GABRG3: variants seen among roughly 807,000 people sequenced by gnomAD.
The protein encoded by GABRG3 is gamma-aminobutyric acid receptor subunit gamma-3.
GABRG3 carries 25 observed loss-of-function variants against 48.8 expected under a neutral mutation model. That is an observed-to-expected ratio of 0.51 (90% CI 0.37 to 0.72). GABRG3 has a LOEUF of 0.72. GABRG3 is among the 30% of genes least tolerant of loss of function. GABRG3 has a pLI of 0.00. For synonymous variants in GABRG3, 227 were observed against 217.6 expected (o/e 1.04, Z -0.38); for missense variants, 394 against 577.9 (o/e 0.68, Z 3.26).
At chr15:27,004,377 TC>T (rs1454101947) in intron 2 of GABRG3, among the ~76,000 whole-genome samples, 1 of 149,942 alleles carries the variant, frequency 6.7e-6, no homozygotes, top group Non-Finnish European at 1.5e-5. Context: ...GCTCCTCACT[TC>T]CTGGATGTGA....
At chr15:27,285,898 C>T (rs945368006) in intron 3 of GABRG3, among the ~76,000 whole-genome samples, 12 of 152,144 alleles carry the variant, frequency 7.9e-5, no homozygotes, top group African/African-American at 2.2e-4. Flanking sequence ...TTGCTGCTCT[C>T]GACATATGAT....
chr15:27,500,754 A>C (rs1006890771), intron 6 of GABRG3, among the ~76,000 whole-genome samples: 3 of 152,090 alleles, frequency 2.0e-5, no homozygotes, highest in African/African-American at 7.2e-5. Flanking sequence ...TGCAGTGTTC[A>C]GTACCACAGT....
At chr15:27,109,163 A>C (rs1897501433) in intron 3 of GABRG3, among the ~76,000 whole-genome samples, 1 of 152,188 alleles carries the variant, frequency 6.6e-6, no homozygotes. Flanking sequence ...CTTTGGATAT[A>C]TAATCTTTTT....
chr15:27,296,975 A>T lies in GABRG3; in HGVS notation c.271-29834A>T, dbSNP rs531811293. On this transcript the variant is annotated intron_variant, in intron 3 of 9. Transcript: ENST00000615808. ...TTGCCCCTGAAAACCTTCCAGTGGGACAAGGTGTGGAGTTGGAAGACAGTG... is the reference window on the plus strand; with the variant it reads ...TTGCCCCTGAAAACCTTCCAGTGGGTCAAGGTGTGGAGTTGGAAGACAGTG... Among the ~76,000 whole-genome samples the T allele has an allele frequency of 1.6e-3, 239 of 152,092 alleles. 1 individual carries two copies. Among genetic ancestry groups the T allele is most frequent in the African/African-American group, 5.5e-3 (228 of 41,506 alleles).
At chr15:27,050,723 A>C (rs1896442174) in intron 3 of GABRG3, among the ~76,000 whole-genome samples, 1 of 152,024 alleles carries the variant, frequency 6.6e-6, no homozygotes, top group Non-Finnish European at 1.5e-5. Flanking sequence ...AAACTTTTTA[A>C]ATTTAATTAT....
intron 3 of GABRG3, among the ~76,000 whole-genome samples, chr15:27,094,622 T>G (rs1224363310): frequency 6.6e-6 from 1 of 152,134 alleles, no homozygotes; most frequent in African/African-American, 2.4e-5. Flanking sequence ...GAGCCTTCCC[T>G]TGTTGGAATT....
chr15:27,146,862 C>T (rs1041200979), intron 3 of GABRG3, among the ~76,000 whole-genome samples: 1 of 151,320 alleles, frequency 6.6e-6, no homozygotes, highest in Non-Finnish European at 1.5e-5. Context: ...CAAAAGAAGG[C>T]AAAAGTAAAG....
At chr15:27,034,459 C>A (rs931725321) in intron 3 of GABRG3, among the ~76,000 whole-genome samples, 2 of 152,140 alleles carry the variant, frequency 1.3e-5, no homozygotes, top group Non-Finnish European at 2.9e-5. Flanking sequence ...TGTTTCATCA[C>A]TGGAAGAATA....
At position 27,537,178 on chromosome 15, in the gene GABRG3, A is replaced by G. The variant is rs1286174552; in HGVS notation, c.*4297A>G. ...TTAAGCTCCACATAATCTGATGTAA[A>G]TATACATTGAAACGTTAAGTTCTAT... is the stretch of plus-strand genomic sequence containing the variant. On this transcript the variant is annotated 3_prime_UTR_variant, in exon 10 of 10. Transcript: ENST00000615808. 1 of 152,118 alleles carries G rather than the reference A, an allele frequency of 6.6e-6. No individual in the cohort carries two copies. Among genetic ancestry groups the G allele is most frequent in the Non-Finnish European group, 1.5e-5 (1 of 68,022 alleles). The allele number at this position is 152,118 out of a possible 1,614,324, so 9.4% of individuals were successfully genotyped here.
chr15:27,320,370 C>T (rs1340744705), intron 3 of GABRG3, among the ~76,000 whole-genome samples: 1 of 151,942 alleles, frequency 6.6e-6, no homozygotes, highest in African/African-American at 2.4e-5. Context: ...AAGTGCACCC[C>T]GATGTTATTG....
intron 3 of GABRG3, among the ~76,000 whole-genome samples, chr15:27,115,314 G>A (rs1402705517): frequency 6.6e-6 from 1 of 152,102 alleles, no homozygotes; most frequent in Non-Finnish European, 1.5e-5. Context: ...CCAGCTGCGA[G>A]CTCCATTTGG....
At position 27,517,008 on chromosome 15, in the gene GABRG3, G is replaced by A. The variant is rs963602250; in HGVS notation, c.713-2964G>A. On this transcript the variant is annotated intron_variant, in intron 6 of 9. Transcript: ENST00000615808. ...CCTCCTCCATCACTGACAGCATCGTGCACACCTCCAGTCATGCGCCTAGCA... is the reference window on the plus strand; with the variant it reads ...CCTCCTCCATCACTGACAGCATCGTACACACCTCCAGTCATGCGCCTAGCA... Among the ~76,000 whole-genome samples the A allele has an allele frequency of 3.0e-4, 46 of 152,282 alleles. 1 individual carries two copies. The highest frequency in any genetic ancestry group is 1.1e-3 in the African/African-American group (46 of 41,566).
rs368123059 is a variant in GABRG3, at chr15:27,367,439, A to G, written c.574+38551A>G. On this transcript the variant is annotated intron_variant, in intron 5 of 9. Coordinates refer to ENST00000615808, the MANE Select transcript of GABRG3 (RefSeq NM_033223.5). ...GCTGCATTATTCAAAACAATTGACT[A>G]ATTCTTGATGAGGTTAGGGAGGGAG... 2.6e-5 allele frequency among the ~76,000 whole-genome samples: 4 copies of G among 152,312 alleles called. 1 individual carries two copies. The highest frequency in any genetic ancestry group is 9.6e-5 in the African/African-American group (4 of 41,574).
Position 27,444,813 on chromosome 15 carries a change from C to A in GABRG3, c.575-35837C>A, listed in dbSNP as rs144329600. Among the ~76,000 whole-genome samples, 389 of 152,222 alleles carry A rather than the reference C, an allele frequency of 2.6e-3. 5 individuals carry two copies. The highest frequency in any genetic ancestry group is 0.018 in the East Asian group (91 of 5,184). ...TTTATACTTTAGAAGTTTGCTCATT[C>A]ATCAATTGATGCACATTTCCAAAGC... On this transcript the variant is annotated intron_variant, in intron 5 of 9. Coordinates refer to ENST00000615808, the MANE Select transcript of GABRG3 (RefSeq NM_033223.5).
At chr15:27,288,192 G>T (rs1891679940) in intron 3 of GABRG3, among the ~76,000 whole-genome samples, 1 of 152,054 alleles carries the variant, frequency 6.6e-6, no homozygotes. Context: ...GGTCTTCATG[G>T]TTTTCATCTT....
intron 3 of GABRG3, among the ~76,000 whole-genome samples, chr15:27,103,865 C>T (rs1897403437): frequency 6.6e-6 from 1 of 152,182 alleles, no homozygotes; most frequent in East Asian, 1.9e-4. Context: ...TTATATATGT[C>T]TTCAGCTATA....
At chr15:27,290,972 A>G (rs1891776139) in intron 3 of GABRG3, among the ~76,000 whole-genome samples, 1 of 152,190 alleles carries the variant, frequency 6.6e-6, no homozygotes, top group African/African-American at 2.4e-5. Context: ...AACTCTTATA[A>G]AAGTTTGTTT....
At chr15:27,038,348 C>T (rs1214874375) in intron 3 of GABRG3, among the ~76,000 whole-genome samples, 2 of 152,168 alleles carry the variant, frequency 1.3e-5, no homozygotes, top group Non-Finnish European at 2.9e-5. Flanking sequence ...TCCTTCATGT[C>T]TGCATGGTCT....
chr15:27,296,677 T>C (rs1340374986), intron 3 of GABRG3, among the ~76,000 whole-genome samples: 1 of 152,168 alleles, frequency 6.6e-6, no homozygotes, highest in Non-Finnish European at 1.5e-5. Flanking sequence ...CATTACACGG[T>C]GTTGGTGGTG....
Sources: gnomAD v4.1 joint callset for allele counts (sites outside exome capture counted in the v4.1 genomes callset) on GRCh38, gnomAD v4.1.1 for gene constraint, MANE v1.5 for transcripts, NCBI Gene and HGNC (gene_info 2026-07-23, HGNC 2026-07-21) for gene names.